The following PHACTR4 variants were observed in gnomAD, a reference collection of about 807,000 sequenced individuals.
PHACTR4 encodes the protein phosphatase and actin regulator 4.
Under a neutral mutation model 72.7 loss-of-function variants are expected in PHACTR4, and 51 were observed. The observed-to-expected ratio is 0.70, with a 90% CI of 0.56 to 0.89. The LOEUF (loss-of-function observed/expected upper bound fraction) is 0.89, where lower values mean the gene tolerates loss of function less well. Ranked by LOEUF, PHACTR4 falls within the 40% of genes least tolerant of loss-of-function variation. PHACTR4 has a pLI of 0.00. For missense variants in PHACTR4, 731 were observed against 861.8 expected (o/e 0.85, Z 1.90); for synonymous variants, 255 against 302.5 (o/e 0.84, Z 1.63).
At chr1:28,403,968 G>C (rs1195340380) in intron 1 of PHACTR4, among the ~76,000 whole-genome samples, 3 of 152,158 alleles carry the variant, frequency 2.0e-5, no homozygotes, top group African/African-American at 7.2e-5. Context: ...GTGATCAGTG[G>C]AAAGACACTG....
intron 2 of PHACTR4, 122 bp from the exon 3 acceptor site, chr1:28,458,963 T>G (rs1481057571): frequency 1.1e-5 from 9 of 813,080 alleles, no homozygotes; most frequent in Non-Finnish European, 7.5e-6. Context: ...CCTGTCTGCA[T>G]GATTGTTTAT....
chr1:28,426,094 G>C (rs943601204), intron 2 of PHACTR4, among the ~76,000 whole-genome samples: 2 of 152,088 alleles, frequency 1.3e-5, no homozygotes, highest in African/African-American at 4.8e-5. Flanking sequence ...AGTGGCAGGC[G>C]CCTGTAATCT....
chr1:28,485,416 A>C (rs1660572937), intron 9 of PHACTR4, among the ~76,000 whole-genome samples: 1 of 151,874 alleles, frequency 6.6e-6, no homozygotes, highest in African/African-American at 2.4e-5. Context: ...ATGAAACCCC[A>C]TCTCTACTAA....
In PHACTR4 at chr1:28,466,665, C is replaced by T. The variant is rs771619697; in HGVS notation, c.720C>T (p.Ser240=). 4 of 1,614,058 alleles carry T rather than the reference C, an allele frequency of 2.5e-6. No individual in the cohort carries two copies. Among genetic ancestry groups the T allele is most frequent in the Non-Finnish European group, 3.4e-6 (4 of 1,180,020 alleles). Reference sequence around the variant, plus strand: ...GGACTCTGCCTGCTGCTCCTGCCAGCACTAACACTACTGCTACCCCAAGCC... The same window carrying T: ...GGACTCTGCCTGCTGCTCCTGCCAGTACTAACACTACTGCTACCCCAAGCC... The part of the protein sequence containing the change: ...APRTLPAAPA[S]TNTTATPSLT... Residue 240 remains serine, a synonymous_variant, in exon 6 of 14, where the codon AGC becomes AGT. Coordinates refer to ENST00000373839, the MANE Select transcript of PHACTR4 (RefSeq NM_001048183.3).
chr1:28,394,148 A>T (rs1317846761), intron 1 of PHACTR4, among the ~76,000 whole-genome samples: 1 of 152,070 alleles, frequency 6.6e-6, no homozygotes, highest in African/African-American at 2.4e-5. Flanking sequence ...CAAGAAGTCA[A>T]GATGTAGAAG....
At chr1:28,464,575 C>T (rs1659019764) in intron 4 of PHACTR4, among the ~76,000 whole-genome samples, 1 of 152,164 alleles carries the variant, frequency 6.6e-6, no homozygotes, top group Admixed American at 6.6e-5. Flanking sequence ...TCTGTGATGC[C>T]TTCCTAACTC....
chr1:28,470,151 G>T (rs1436959913), intron 6 of PHACTR4, among the ~76,000 whole-genome samples: 1 of 152,068 alleles, frequency 6.6e-6, no homozygotes, highest in East Asian at 1.9e-4. Flanking sequence ...CCAGCATTTG[G>T]GGAGGCCGAG....
intron 1 of PHACTR4, among the ~76,000 whole-genome samples, chr1:28,387,037 TGGATCACGA>T (rs1652610747): frequency 6.6e-6 from 1 of 151,626 alleles, no homozygotes; most frequent in Non-Finnish European, 1.5e-5. Context: ...TTGAGGCAGG[TGGATCACGA>T]GGTCAAGAGA....
intron 2 of PHACTR4, among the ~76,000 whole-genome samples, chr1:28,436,551 A>G (rs1232963518): frequency 6.6e-6 from 1 of 152,230 alleles, no homozygotes; most frequent in African/African-American, 2.4e-5. Context: ...AGTTGTGGTG[A>G]TGATTAAATG....
Position 28,465,682 on chromosome 1 carries a change from C to T in PHACTR4, c.272-3C>T, listed in dbSNP as rs2124482858. 1 of 1,611,104 alleles carries T rather than the reference C, an allele frequency of 6.2e-7. No individual in the cohort carries two copies. Among genetic ancestry groups the T allele is most frequent in the Non-Finnish European group, 8.5e-7 (1 of 1,179,046 alleles). ...CACTTTGTACTCTTCTTTCACCTTG[C>T]AGGTGGTGAGGATCCAGGAAAGCCA... On this transcript the variant is annotated splice_region_variant and splice_polypyrimidine_tract_variant and intron_variant, in intron 4 of 13. Coordinates refer to ENST00000373839, the MANE Select transcript of PHACTR4 (RefSeq NM_001048183.3).
At position 28,499,463 on chromosome 1, in the gene PHACTR4, TTTG is replaced by T. The variant is rs1158469992; in HGVS notation, c.*2917_*2919del. The T allele has an allele frequency of 1.8e-5, 1 of 56,738 alleles. No individual in the cohort carries two copies. The highest frequency in any genetic ancestry group is 1.6e-4 in the African/African-American group (1 of 6,390). The allele number at this position is 56,738 out of a possible 1,614,324, so 3.5% of individuals were successfully genotyped here. ...CTTGAAGTTTTTTGTTTGGTTTTGA[TTTG>T]TTTTGTTTTGTTTTGTTTTGTTTTG... On this transcript the variant is annotated 3_prime_UTR_variant, in exon 14 of 14. Coordinates refer to ENST00000373839, the MANE Select transcript of PHACTR4 (RefSeq NM_001048183.3).
intron 12 of PHACTR4, among the ~76,000 whole-genome samples, chr1:28,492,391 C>T (rs1215207210): frequency 6.6e-6 from 1 of 151,508 alleles, no homozygotes; most frequent in Non-Finnish European, 1.5e-5. Flanking sequence ...GAGCCAAGAT[C>T]ATGCCAATGC....
At chr1:28,422,201 A>G (rs887015694) in intron 2 of PHACTR4, among the ~76,000 whole-genome samples, 2 of 152,234 alleles carry the variant, frequency 1.3e-5, no homozygotes, top group African/African-American at 2.4e-5. Flanking sequence ...ATTGTATAGC[A>G]TGTGTAGTCA....
chr1:28,466,335 C>T, intron 5 of PHACTR4, 47 bp from the exon 6 acceptor site: 1 of 1,545,204 alleles, frequency 6.5e-7, no homozygotes, highest in Admixed American at 2.0e-5. Flanking sequence ...TTCAGTTTCT[C>T]TTGTTACTCT....
intron 6 of PHACTR4, 129 bp from the exon 7 acceptor site, chr1:28,473,425 G>A (rs983530565): frequency 4.1e-6 from 3 of 732,706 alleles, no homozygotes; most frequent in South Asian, 2.0e-5. Flanking sequence ...ATAGGGAATG[G>A]CAAAACTATG....
chr1:28,448,413 A>C (rs1657633460), intron 2 of PHACTR4, among the ~76,000 whole-genome samples: 1 of 146,716 alleles, frequency 6.8e-6, no homozygotes, highest in Non-Finnish European at 1.5e-5. Flanking sequence ...AAAGGAAAGG[A>C]AAGGGGAAAG....
chr1:28,494,599 C>T (rs973138758), intron 13 of PHACTR4, among the ~76,000 whole-genome samples: 1 of 152,174 alleles, frequency 6.6e-6, no homozygotes, highest in African/African-American at 2.4e-5. Flanking sequence ...TTGCAGTGAG[C>T]CGAGATCGCG....
chr1:28,395,150 T>TGATC (rs1250420471), intron 1 of PHACTR4, among the ~76,000 whole-genome samples: 2 of 152,126 alleles, frequency 1.3e-5, no homozygotes, highest in Non-Finnish European at 2.9e-5. Flanking sequence ...AGACCTCAGG[T>TGATC]GATCTGCCTG....
intron 9 of PHACTR4, among the ~76,000 whole-genome samples, chr1:28,482,439 G>C (rs1050514366): frequency 1.3e-5 from 2 of 152,110 alleles, no homozygotes; most frequent in Admixed American, 6.6e-5. Context: ...GGAACCAAAA[G>C]TATAGAGAAA....
Sources: gnomAD v4.1 joint callset for allele counts (sites outside exome capture counted in the v4.1 genomes callset) on GRCh38, gnomAD v4.1.1 for gene constraint, MANE v1.5 for transcripts, NCBI Gene and HGNC (gene_info 2026-07-23, HGNC 2026-07-21) for gene names.